CDON: variants seen among roughly 807,000 people sequenced by gnomAD.
CDON encodes the protein cell adhesion associated, oncogene regulated, also known as cell adhesion molecule-related/down-regulated by oncogenes.
Under a neutral mutation model 120.9 loss-of-function variants are expected in CDON, and 73 were observed. That is an observed-to-expected ratio of 0.60 (90% confidence interval 0.50 to 0.73). The LOEUF is 0.73. Ranked by LOEUF, CDON falls within the 30% of genes least tolerant of loss-of-function variation. CDON has a pLI of 0.00. For missense variants in CDON, 1,470 were observed against 1,587.3 expected (o/e 0.93, Z 1.26); for synonymous variants, 566 against 573.5 (o/e 0.99, Z 0.19).
chr11:126,029,569 T>C (rs1182774184), intron 1 of CDON, among the ~76,000 whole-genome samples: 1 of 152,142 alleles, frequency 6.6e-6, no homozygotes, highest in East Asian at 1.9e-4. Context: ...TATATATATA[T>C]ATGTATCTCT....
chr11:126,059,331 A>C (rs1948743937), intron 1 of CDON, among the ~76,000 whole-genome samples: 1 of 152,124 alleles, frequency 6.6e-6, no homozygotes, highest in African/African-American at 2.4e-5. Context: ...AAAACACATC[A>C]CTGTAGTCCT....
intron 18 of CDON, among the ~76,000 whole-genome samples, chr11:125,972,846 A>G (rs58777309): frequency 0.29 from 44,577 of 151,500 alleles, 6,679 homozygotes; most frequent in South Asian, 0.31. Flanking sequence ...GGAATAAAGA[A>G]GGCGAATTGC....
intron 18 of CDON, among the ~76,000 whole-genome samples, chr11:125,969,549 C>T (rs902586982): frequency 2.0e-5 from 3 of 152,198 alleles, no homozygotes; most frequent in African/African-American, 7.2e-5. Context: ...CTTTCAAATG[C>T]AGTTATTACT....
At chr11:126,027,952 G>A (rs1229643757) in intron 1 of CDON, among the ~76,000 whole-genome samples, 5 of 144,504 alleles carry the variant, frequency 3.5e-5, no homozygotes, top group Non-Finnish European at 7.5e-5. Context: ...ATAGAATTCT[G>A]ACTTAAATCA....
At chr11:125,990,103 C>A (rs1467752008) in intron 14 of CDON, among the ~76,000 whole-genome samples, 1 of 152,068 alleles carries the variant, frequency 6.6e-6, no homozygotes. Context: ...TCCTTTCATC[C>A]CTATCTTAAC....
chr11:126,060,850 G>A (rs868319286), intron 1 of CDON, among the ~76,000 whole-genome samples: 12 of 152,222 alleles, frequency 7.9e-5, no homozygotes, highest in South Asian at 2.1e-4. Context: ...CACCTGCAAA[G>A]AAAGCAAGGC....
chr11:126,063,107 C>A (rs1948847305), upstream of CDON: 1 of 152,176 alleles, frequency 6.6e-6, no homozygotes, highest in South Asian at 2.1e-4. Flanking sequence ...GAGGGGGGCA[C>A]GCTCTGGGCA....
rs13424 is a variant in CDON at position 125,957,058 on chromosome 11, A to C, written c.*3884T>G. 0.29 allele frequency: 47,960 copies of C among 164,026 alleles called. 7,494 individuals carry two copies. The highest frequency in any genetic ancestry group is 0.33 in the Non-Finnish European group (26,136 of 78,926). The allele number at this position is 164,026 out of a possible 1,614,324, so 10.2% of individuals were successfully genotyped here. On this transcript the variant is annotated 3_prime_UTR_variant, in exon 20 of 20. Coordinates refer to ENST00000531738, the MANE Select transcript of CDON (RefSeq NM_001378964.1). ...ACAAGGAGGCTAAATTTCTATCCTG[A>C]AGTTCATAAACATGTGGCGCTCGGT...
chr11:125,965,211 G>A (rs1202592189), intron 18 of CDON, among the ~76,000 whole-genome samples: 4 of 152,188 alleles, frequency 2.6e-5, no homozygotes, highest in African/African-American at 7.2e-5. Context: ...GATTACGGGC[G>A]TAAGCCATCA....
chr11:126,015,113 A>T, intron 7 of CDON, 128 bp downstream of exon 7: 1 of 900,724 alleles, frequency 1.1e-6, no homozygotes, highest in Non-Finnish European at 1.8e-6. Flanking sequence ...GGACCATGGA[A>T]AATGAACACC....
At chr11:126,028,426 T>A (rs1481048909) in intron 1 of CDON, among the ~76,000 whole-genome samples, 1 of 152,080 alleles carries the variant, frequency 6.6e-6, no homozygotes, top group Admixed American at 6.6e-5. Flanking sequence ...TGCAGTGGCA[T>A]GATCTTGGCT....
intron 18 of CDON, among the ~76,000 whole-genome samples, chr11:125,969,727 T>TA: frequency 6.6e-6 from 1 of 152,344 alleles, no homozygotes; most frequent in South Asian, 2.1e-4. Flanking sequence ...ACCTGTTAGT[T>TA]TACTAAGATA....
At chr11:126,027,288 A>G (rs1947815124) in intron 1 of CDON, among the ~76,000 whole-genome samples, 2 of 152,184 alleles carry the variant, frequency 1.3e-5, no homozygotes, top group African/African-American at 4.8e-5. Context: ...CAGTAACAGC[A>G]CCCCAGGCCC....
intron 3 of CDON, among the ~76,000 whole-genome samples, chr11:126,020,667 C>T (rs1196476835): frequency 2.0e-5 from 3 of 152,220 alleles, no homozygotes; most frequent in African/African-American, 7.2e-5. Context: ...CCGTTTGAAA[C>T]GCAGATGGCT....
chr11:126,056,319 C>G (rs1948679390), intron 1 of CDON, among the ~76,000 whole-genome samples: 1 of 152,168 alleles, frequency 6.6e-6, no homozygotes, highest in Admixed American at 6.5e-5. Context: ...TTCAACGCTC[C>G]CAACCCCCAA....
intron 1 of CDON, among the ~76,000 whole-genome samples, chr11:126,057,580 A>T (rs1298125092): frequency 6.6e-6 from 1 of 152,208 alleles, no homozygotes; most frequent in African/African-American, 2.4e-5. Context: ...GAGCTTTCTA[A>T]GGCCAAGGAA....
chr11:126,032,175 G>A (rs1435408822), intron 1 of CDON, among the ~76,000 whole-genome samples: 1 of 152,052 alleles, frequency 6.6e-6, no homozygotes, highest in East Asian at 1.9e-4. Flanking sequence ...ACAGAATAAA[G>A]CAAATACAGG....
intron 1 of CDON, among the ~76,000 whole-genome samples, chr11:126,043,840 TG>T: frequency 6.6e-6 from 1 of 152,206 alleles, no homozygotes; most frequent in East Asian, 1.9e-4. Flanking sequence ...AATCTGCGGA[TG>T]GATTTCAGGA....
chr11:126,054,890 T>C (rs1268480513), intron 1 of CDON, among the ~76,000 whole-genome samples: 1 of 152,104 alleles, frequency 6.6e-6, no homozygotes. Context: ...ATGATACGTA[T>C]CAGTGCCAGG....
Sources: allele counts gnomAD v4.1 joint callset (sites outside exome capture counted in the v4.1 genomes callset), GRCh38; gene constraint gnomAD v4.1.1; transcripts MANE v1.5; gene names NCBI Gene and HGNC (gene_info 2026-07-23, HGNC 2026-07-21).